SH3RF2: variants seen among roughly 807,000 people sequenced by gnomAD.
SH3RF2 encodes the protein E3 ubiquitin-protein ligase SH3RF2.
In SH3RF2, 43 loss-of-function variants were observed where a neutral mutation model predicts 59.0. The observed-to-expected ratio is 0.73, with a 90% CI of 0.57 to 0.94. SH3RF2 has a LOEUF of 0.94. SH3RF2 is among the 40% of genes least tolerant of loss of function. SH3RF2 has a pLI of 0.00. For missense variants in SH3RF2, 930 were observed against 940.1 expected, an observed-to-expected ratio of 0.99 and a Z score of 0.14; for synonymous variants, 391 against 391.5, an observed-to-expected ratio of 1.00 and a Z score of 0.01.
chr5:146,043,454 T>C (rs1377947058), intron 5 of SH3RF2, among the ~76,000 whole-genome samples: 1 of 152,226 alleles, frequency 6.6e-6, no homozygotes, highest in Non-Finnish European at 1.5e-5. Flanking sequence ...AGATAATGTA[T>C]TCACGTTTTT....
chr5:145,997,336 C>G (rs1228351192), intron 2 of SH3RF2: 3 of 1,145,656 alleles, frequency 2.6e-6, no homozygotes, highest in Non-Finnish European at 4.0e-6. Flanking sequence ...CCCGTATATA[C>G]TGCACCACCG....
chr5:145,954,893 G>T (rs888372480), intron 2 of SH3RF2, among the ~76,000 whole-genome samples: 1 of 152,092 alleles, frequency 6.6e-6, no homozygotes. Flanking sequence ...GAGGGAGAGA[G>T]TGGAGAGGAG....
In SH3RF2 at chr5:146,015,455, C is replaced by G. The variant is rs371438503; in HGVS notation, c.1059+1394C>G. Among the ~76,000 whole-genome samples the G allele has an allele frequency of 3.9e-5, 6 of 152,296 alleles. No individual in the cohort carries two copies. In the East Asian group the frequency reaches 9.6e-4, roughly 24 times the overall value. On this transcript the variant is annotated intron_variant, in intron 5 of 9. Coordinates refer to ENST00000359120, the MANE Select transcript of SH3RF2 (RefSeq NM_152550.4). ...TTTATGCCCAAAGTTCTCCTTCACA[C>G]ACACACACACAAACACACACACTCT...
intron 8 of SH3RF2, 40 bp from the exon 9 acceptor site, chr5:146,059,826 C>A: frequency 7.3e-7 from 1 of 1,378,224 alleles, no homozygotes; most frequent in Non-Finnish European, 9.5e-7. Flanking sequence ...CTACTGCCAG[C>A]CGCCCCTGCT....
At chr5:146,080,012 G>A (rs551293658) in exon 10 of SH3RF2, 1 of 152,220 alleles carries the variant, frequency 6.6e-6, no homozygotes, top group African/African-American at 2.4e-5. Flanking sequence ...GTATAGTGGA[G>A]GGTTTCATAA....
intron 2 of SH3RF2, among the ~76,000 whole-genome samples, chr5:145,965,282 C>G (rs534674019): frequency 6.6e-6 from 1 of 152,140 alleles, no homozygotes; most frequent in East Asian, 1.9e-4. Flanking sequence ...AGAAATGGCA[C>G]GGCCTGTTTT....
At chr5:146,001,310 A>G (rs1288701964) in intron 3 of SH3RF2, among the ~76,000 whole-genome samples, 2 of 152,244 alleles carry the variant, frequency 1.3e-5, no homozygotes, top group African/African-American at 4.8e-5. Flanking sequence ...ATGTAAGTAT[A>G]AAAAGTGGCA....
chr5:146,071,948 T>C (rs538374235), intron 9 of SH3RF2, among the ~76,000 whole-genome samples: 2 of 152,216 alleles, frequency 1.3e-5, no homozygotes, highest in South Asian at 4.1e-4. Flanking sequence ...AGAGGCACAA[T>C]TCAAAACAGA....
Position 145,948,907 on chromosome 5 carries a change from TC to T in SH3RF2, c.378+10603del, listed in dbSNP as rs771580518. ...CCATGGGTAAGGAGGTGTCTTGTCC[TC>T]CTTTGTACCTAACACAGGGCCTGAA... On this transcript the variant is annotated intron_variant, in intron 2 of 9. Transcript: ENST00000359120. Among the ~76,000 whole-genome samples the T allele has an allele frequency of 6.6e-5, 10 of 152,358 alleles. No homozygotes were observed. In the East Asian group the frequency reaches 1.7e-3, roughly 26 times the overall value.
At chr5:146,064,696 AAGAAAGAAAGAAAGAAAGAAAGAAAG>A, downstream of SH3RF2, among the ~76,000 whole-genome samples, 2 of 7,744 alleles carry the variant, frequency 2.6e-4, no homozygotes, top group Non-Finnish European at 6.7e-4. Context: ...GAAAGAAAGA[AAGAAAGAAAGAAAGAAAGAAAGAAAG>A]AAAGAAAGGA....
At chr5:145,980,236 C>A (rs752412394) in intron 2 of SH3RF2, among the ~76,000 whole-genome samples, 1 of 152,214 alleles carries the variant, frequency 6.6e-6, no homozygotes, top group African/African-American at 2.4e-5. Context: ...TTGACACCCA[C>A]ACGTAACGAG....
chr5:145,999,954 C>T, intron 2 of SH3RF2, 104 bp from the exon 3 acceptor site: 2 of 1,392,888 alleles, frequency 1.4e-6, no homozygotes. Context: ...TCAGTATTTG[C>T]AAAGCATGTT....
intron 5 of SH3RF2, among the ~76,000 whole-genome samples, chr5:146,041,487 T>C (rs1762124811): frequency 6.6e-6 from 1 of 152,176 alleles, no homozygotes; most frequent in African/African-American, 2.4e-5. Flanking sequence ...CCCAATAAGG[T>C]CCACACACAG....
intron 2 of SH3RF2, among the ~76,000 whole-genome samples, chr5:145,977,088 T>C (rs1759322910): frequency 6.6e-6 from 1 of 152,246 alleles, no homozygotes; most frequent in African/African-American, 2.4e-5. Context: ...ATGGGAAAAC[T>C]GAGGCTTGGA....
intron 5 of SH3RF2, 152 bp downstream of exon 5, chr5:146,014,213 T>C (rs1761023952): frequency 2.6e-6 from 2 of 768,104 alleles, no homozygotes; most frequent in Non-Finnish European, 4.1e-6. Flanking sequence ...TAGAATTGTA[T>C]AAACCTTTTA....
At chr5:145,951,042 T>C (rs1012863454) in intron 2 of SH3RF2, among the ~76,000 whole-genome samples, 2 of 152,234 alleles carry the variant, frequency 1.3e-5, no homozygotes, top group East Asian at 1.9e-4. Flanking sequence ...TCATATTTTA[T>C]AGAGTATGCA....
intron 5 of SH3RF2, among the ~76,000 whole-genome samples, chr5:146,026,194 C>A (rs1315788858): frequency 2.0e-5 from 3 of 152,180 alleles, no homozygotes; most frequent in Non-Finnish European, 2.9e-5. Flanking sequence ...TTAACAGACT[C>A]AAGGTCTTCC....
intron 4 of SH3RF2, among the ~76,000 whole-genome samples, chr5:146,009,794 C>T (rs1760799873): frequency 6.6e-6 from 1 of 152,144 alleles, no homozygotes; most frequent in Non-Finnish European, 1.5e-5. Flanking sequence ...AAGCAAGAAC[C>T]ATATCTTCTT....
intron 4 of SH3RF2, among the ~76,000 whole-genome samples, chr5:146,007,136 C>T (rs1760678526): frequency 6.6e-6 from 1 of 152,066 alleles, no homozygotes; most frequent in Non-Finnish European, 1.5e-5. Context: ...GACCCAAAAG[C>T]CAACAGAAGC....
Sources: allele counts gnomAD v4.1 joint callset (sites outside exome capture counted in the v4.1 genomes callset), GRCh38; gene constraint gnomAD v4.1.1; transcripts MANE v1.5; gene names NCBI Gene and HGNC (gene_info 2026-07-23, HGNC 2026-07-21).